Variants in GPR158 observed in about 807,000 individuals in gnomAD.
GPR158 encodes the protein G protein-coupled receptor 158, also known as metabotropic glycine receptor.
In GPR158, 30 loss-of-function variants were observed where a neutral mutation model predicts 78.2. That is an observed-to-expected ratio of 0.38 (90% confidence interval 0.29 to 0.52). GPR158 has a LOEUF of 0.52. Ranked by LOEUF, GPR158 falls within the 20% of genes least tolerant of loss-of-function variation. The pLI is 0.83. For synonymous variants in GPR158, 581 were observed against 591.1 expected, an observed-to-expected ratio of 0.98 and a Z score of 0.25; for missense variants, 1,463 against 1,523.5, an observed-to-expected ratio of 0.96 and a Z score of 0.66.
chr10:25,524,077 A>G (rs1836319479), intron 5 of GPR158, among the ~76,000 whole-genome samples: 3 of 152,234 alleles, frequency 2.0e-5, no homozygotes, highest in South Asian at 4.1e-4. Context: ...ATTCCATTAG[A>G]AAAAGAATAA....
chr10:25,345,385 C>T (rs748035390), intron 2 of GPR158, among the ~76,000 whole-genome samples: 8 of 151,852 alleles, frequency 5.3e-5, no homozygotes, highest in Non-Finnish European at 1.2e-4. Context: ...CTCGTAAAAT[C>T]GGTCAATAAG....
chr10:25,434,992 A>G (rs191165161), intron 4 of GPR158, among the ~76,000 whole-genome samples: 3 of 152,346 alleles, frequency 2.0e-5, no homozygotes, highest in Admixed American at 1.3e-4. Flanking sequence ...AAATACTTCA[A>G]TATGAACCCT....
intron 5 of GPR158, among the ~76,000 whole-genome samples, chr10:25,547,609 A>G (rs1414911071): frequency 1.3e-5 from 2 of 152,010 alleles, no homozygotes; most frequent in African/African-American, 4.8e-5. Context: ...CCTCATTATA[A>G]TGCATTTCAC....
At chr10:25,443,069 G>A (rs1266436870) in intron 4 of GPR158, among the ~76,000 whole-genome samples, 2 of 149,902 alleles carry the variant, frequency 1.3e-5, no homozygotes, top group Non-Finnish European at 3.0e-5. Flanking sequence ...CTTCCACACC[G>A]ACTTCTCTCC....
At chr10:25,338,607 T>TAATACATATTATATATATTATTATATATA (rs1855259949) in intron 2 of GPR158, among the ~76,000 whole-genome samples, 1 of 146,956 alleles carries the variant, frequency 6.8e-6, no homozygotes, top group East Asian at 2.0e-4. Context: ...TTATTATATA[T>TAATACATATTATATATATTATTATATATA]AAAAAATCAT....
Position 25,423,112 on chromosome 10 carries a change from CATATATACATATATAT to C in GPR158, c.1335+10640_1335+10655del, listed in dbSNP as rs1459851799. Among the ~76,000 whole-genome samples, 1,302 of 141,018 alleles carry C rather than the reference CATATATACATATATAT, an allele frequency of 9.2e-3. 24 individuals carry two copies. Among genetic ancestry groups the C allele is most frequent in the African/African-American group, 0.032 (1,226 of 38,442 alleles). The allele number at this position is 141,018 out of a possible 152,430, so 92.5% of individuals were successfully genotyped here. ...ATGTGTGTGTGTGTATATGTCTACA[CATATATACATATATAT>C]GTATATACATATACATATATATGTA... On this transcript the variant is annotated intron_variant, in intron 4 of 10. Coordinates refer to ENST00000376351, the MANE Select transcript of GPR158 (RefSeq NM_020752.3).
chr10:25,450,505 C>A (rs1023825749), intron 4 of GPR158, among the ~76,000 whole-genome samples: 2 of 151,136 alleles, frequency 1.3e-5, no homozygotes, highest in African/African-American at 4.9e-5. Context: ...TCCATCTTCC[C>A]TTTCTTTTTA....
At chr10:25,461,738 T>C (rs1173990644) in intron 4 of GPR158, among the ~76,000 whole-genome samples, 1 of 150,692 alleles carries the variant, frequency 6.6e-6, no homozygotes, top group Admixed American at 6.6e-5. Flanking sequence ...ACTTTCTTTT[T>C]TTTTTTTTTT....
rs1347412037 is a variant in GPR158 at position 25,292,279 on chromosome 10, A to T, written c.1008+71122A>T. 2.0e-5 allele frequency among the ~76,000 whole-genome samples: 3 copies of T among 152,150 alleles called. No homozygotes were observed. In the East Asian group the frequency reaches 5.8e-4, roughly 29 times the overall value. ...CTTTGAATTCTTACGAAACATTTTT[A>T]ATGAATCAGTTTTCTATAATGCATT... On this transcript the variant is annotated intron_variant, in intron 2 of 10. Transcript: ENST00000376351.
At chr10:25,536,097 T>A (rs1836496675) in intron 5 of GPR158, among the ~76,000 whole-genome samples, 1 of 152,162 alleles carries the variant, frequency 6.6e-6, no homozygotes, top group South Asian at 2.1e-4. Context: ...AACACCAAAT[T>A]CCTTGTTTTA....
At chr10:25,314,526 T>G (rs1854817831) in intron 2 of GPR158, among the ~76,000 whole-genome samples, 1 of 152,112 alleles carries the variant, frequency 6.6e-6, no homozygotes, top group African/African-American at 2.4e-5. Flanking sequence ...AAGTATATTT[T>G]TTATTTTTTC....
intron 6 of GPR158, among the ~76,000 whole-genome samples, chr10:25,560,159 C>T (rs12257236): frequency 0.039 from 5,990 of 152,304 alleles, 263 homozygotes; most frequent in South Asian, 0.17. Context: ...AGTGAACCTC[C>T]TAAATTACTT....
At chr10:25,370,531 G>T (rs1833972320) in intron 2 of GPR158, among the ~76,000 whole-genome samples, 1 of 137,748 alleles carries the variant, frequency 7.3e-6, no homozygotes, top group African/African-American at 2.8e-5. Flanking sequence ...TGGTCTGAGA[G>T]ACAGTTTGTT....
chr10:25,318,954 T>C (rs752714969), intron 2 of GPR158, among the ~76,000 whole-genome samples: 1 of 152,222 alleles, frequency 6.6e-6, no homozygotes, highest in Non-Finnish European at 1.5e-5. Context: ...ACAGTTCTTC[T>C]GGGTCTTTAG....
chr10:25,204,745 TA>T (rs1436819588), intron 1 of GPR158, among the ~76,000 whole-genome samples: 2 of 152,034 alleles, frequency 1.3e-5, no homozygotes, highest in African/African-American at 4.8e-5. Flanking sequence ...CAGGCTTTGG[TA>T]TCAGAATCCA....
At chr10:25,318,335 T>A (rs2807248) in intron 2 of GPR158, among the ~76,000 whole-genome samples, 89,248 of 151,668 alleles carry the variant, frequency 0.59, 29,057 homozygotes, top group Non-Finnish European at 0.76. Context: ...TTTTCTAGAA[T>A]GCTTTTTGGA....
chr10:25,432,926 A>C (rs1288862287), intron 4 of GPR158, among the ~76,000 whole-genome samples: 1 of 152,232 alleles, frequency 6.6e-6, no homozygotes, highest in Non-Finnish European at 1.5e-5. Flanking sequence ...ATAATAAAGA[A>C]ATAAAGAATG....
At chr10:25,359,276 T>C (rs1855596559) in intron 2 of GPR158, among the ~76,000 whole-genome samples, 1 of 152,120 alleles carries the variant, frequency 6.6e-6, no homozygotes, top group Non-Finnish European at 1.5e-5. Context: ...ATATTTTTTA[T>C]ACTTTAAGTT....
chr10:25,532,263 T>G (rs891603367), intron 5 of GPR158, among the ~76,000 whole-genome samples: 24 of 151,498 alleles, frequency 1.6e-4, no homozygotes, highest in African/African-American at 5.6e-4. Context: ...GACTATCTGT[T>G]AAACGGATGA....
Sources: gnomAD v4.1 joint callset for allele counts (sites outside exome capture counted in the v4.1 genomes callset) on GRCh38, gnomAD v4.1.1 for gene constraint, MANE v1.5 for transcripts, NCBI Gene and HGNC (gene_info 2026-07-23, HGNC 2026-07-21) for gene names.